The following PTPRD variants were observed in gnomAD, a reference collection of about 807,000 sequenced individuals.
The protein encoded by PTPRD is receptor-type tyrosine-protein phosphatase delta.
PTPRD carries 34 observed loss-of-function variants against 214.5 expected under a neutral mutation model. That is an observed-to-expected ratio of 0.16 (90% CI 0.12 to 0.21). PTPRD has a LOEUF of 0.21. PTPRD is among the 10% of genes least tolerant of loss of function. The pLI, the probability that PTPRD is intolerant of heterozygous loss-of-function variation, is 1.00. For missense variants in PTPRD, 2,545 were observed against 2,398.7 expected, an observed-to-expected ratio of 1.06 and a Z score of -1.27; for synonymous variants, 1,128 against 845.7, an observed-to-expected ratio of 1.33 and a Z score of -5.79.
intron 3 of PTPRD, among the ~76,000 whole-genome samples, chr9:10,292,211 G>C (rs1162153731): frequency 1.3e-5 from 2 of 151,954 alleles, no homozygotes; most frequent in Admixed American, 1.3e-4. Flanking sequence ...GAGACATGTT[G>C]AATCTATTTT....
At chr9:10,174,118 A>G (rs2099230327) in intron 3 of PTPRD, among the ~76,000 whole-genome samples, 1 of 152,096 alleles carries the variant, frequency 6.6e-6, no homozygotes. Flanking sequence ...AGGGTTAAAA[A>G]TTTCACTCCC....
rs1555449230 is a variant in PTPRD at position 9,998,129 on chromosome 9, A to ATATATATATATATATAT, written c.-472+35588_-472+35589insATATATATATATATATA. Among the ~76,000 whole-genome samples the ATATATATATATATATAT allele has an allele frequency of 1.3e-3, 122 of 91,426 alleles. 3 individuals carry two copies. The highest frequency in any genetic ancestry group is 6.6e-3 in the African/African-American group (112 of 16,966). The allele number at this position is 91,426 out of a possible 152,430, so 60.0% of individuals were successfully genotyped here. On this transcript the variant is annotated intron_variant, in intron 4 of 45. Transcript: ENST00000381196. ...TTAAAGTATAATAAAAAAAAAAAAA[A>ATATATATATATATATAT]ATATATATATATATATAAAAGAAGA...
chr9:9,898,369 G>T (rs1204615960), intron 5 of PTPRD, among the ~76,000 whole-genome samples: 2 of 152,026 alleles, frequency 1.3e-5, no homozygotes, highest in African/African-American at 2.4e-5. Context: ...ACATGGTAAT[G>T]ATGCCTTGAT....
At chr9:10,511,514 C>G (rs1355218002) in intron 2 of PTPRD, among the ~76,000 whole-genome samples, 2 of 151,770 alleles carry the variant, frequency 1.3e-5, no homozygotes, top group Admixed American at 1.3e-4. Flanking sequence ...TGCAATTACC[C>G]TGCCTCAGCC....
chr9:10,353,531 G>C (rs1203320652), intron 2 of PTPRD, among the ~76,000 whole-genome samples: 1 of 151,916 alleles, frequency 6.6e-6, no homozygotes, highest in African/African-American at 2.4e-5. Context: ...CTCTGCATGG[G>C]AGAAGAGAGG....
chr9:10,424,398 C>G (rs1356869480), intron 2 of PTPRD, among the ~76,000 whole-genome samples: 1 of 151,334 alleles, frequency 6.6e-6, no homozygotes, highest in African/African-American at 2.4e-5. Flanking sequence ...AACTATTATT[C>G]CCATAACAGC....
intron 3 of PTPRD, among the ~76,000 whole-genome samples, chr9:10,157,948 T>C (rs1481807628): frequency 6.6e-6 from 1 of 152,188 alleles, no homozygotes; most frequent in South Asian, 2.1e-4. Flanking sequence ...TACCGGTGAT[T>C]GCATTGTGAA....
chr9:9,812,732 C>G (rs1050911473), intron 5 of PTPRD, among the ~76,000 whole-genome samples: 2 of 152,006 alleles, frequency 1.3e-5, no homozygotes, highest in South Asian at 2.1e-4. Flanking sequence ...ATCATCCAGA[C>G]AGAAAATCAA....
chr9:9,410,087 GCAGCCTTAT>G (rs1412309342), intron 8 of PTPRD, among the ~76,000 whole-genome samples: 1 of 152,050 alleles, frequency 6.6e-6, no homozygotes, highest in African/African-American at 2.4e-5. Context: ...GGTTCACTAA[GCAGCCTTAT>G]ACAAATTCAA....
chr9:9,698,198 T>C (rs1010451060), intron 7 of PTPRD, among the ~76,000 whole-genome samples: 9 of 152,192 alleles, frequency 5.9e-5, no homozygotes, highest in African/African-American at 2.2e-4. Context: ...TACTGTTTTT[T>C]CTTGTGGAGG....
At chr9:8,613,872 A>G (rs1431694420) in intron 14 of PTPRD, among the ~76,000 whole-genome samples, 9 of 152,114 alleles carry the variant, frequency 5.9e-5, no homozygotes, top group Admixed American at 1.3e-4. Context: ...TCTTTTCTGC[A>G]AGAACTTTCC....
intron 3 of PTPRD, among the ~76,000 whole-genome samples, chr9:10,256,235 C>G (rs2093263592): frequency 6.6e-6 from 1 of 152,052 alleles, no homozygotes; most frequent in Admixed American, 6.5e-5. Context: ...GGCTGCTGGC[C>G]TAGACCTCTA....
intron 3 of PTPRD, among the ~76,000 whole-genome samples, chr9:10,054,168 C>G (rs944768897): frequency 6.6e-6 from 1 of 152,128 alleles, no homozygotes; most frequent in Admixed American, 6.6e-5. Context: ...AACAAAAAAT[C>G]CCCAATGGCC....
At chr9:8,526,778 A>G (rs547465873) in intron 16 of PTPRD, 134 bp from the exon 17 acceptor site, 4 of 619,924 alleles carry the variant, frequency 6.5e-6, no homozygotes, top group African/African-American at 3.7e-5. Flanking sequence ...AACTTGAATT[A>G]CTATATTGGT....
chr9:10,012,225 G>A (rs1418174034), intron 4 of PTPRD, among the ~76,000 whole-genome samples: 1 of 151,800 alleles, frequency 6.6e-6, no homozygotes, highest in Non-Finnish European at 1.5e-5. Flanking sequence ...ATATTAAAGG[G>A]ATAATCATCT....
intron 5 of PTPRD, among the ~76,000 whole-genome samples, chr9:9,857,685 G>A (rs138493537): frequency 1.6e-4 from 24 of 152,308 alleles, no homozygotes; most frequent in African/African-American, 5.5e-4. Context: ...TGGTAGTTAA[G>A]TCAGGCAGCA....
At chr9:9,892,958 A>G (rs1255315841) in intron 5 of PTPRD, among the ~76,000 whole-genome samples, 2 of 152,114 alleles carry the variant, frequency 1.3e-5, no homozygotes, top group African/African-American at 2.4e-5. Flanking sequence ...GAAAATTTGT[A>G]GGAGTAAAAT....
chr9:9,608,038 C>G (rs1443271307), intron 7 of PTPRD, among the ~76,000 whole-genome samples: 2 of 152,142 alleles, frequency 1.3e-5, no homozygotes, highest in Non-Finnish European at 1.5e-5. Flanking sequence ...GCTTACTAGG[C>G]AAAACATCTA....
intron 11 of PTPRD, among the ~76,000 whole-genome samples, chr9:8,987,531 T>C (rs1347726669): frequency 6.6e-6 from 1 of 152,158 alleles, no homozygotes; most frequent in African/African-American, 2.4e-5. Flanking sequence ...ATGTGTGTTT[T>C]ACCCAATCAC....
Sources: allele counts gnomAD v4.1 joint callset (sites outside exome capture counted in the v4.1 genomes callset), GRCh38; gene constraint gnomAD v4.1.1; transcripts MANE v1.5; gene names NCBI Gene and HGNC (gene_info 2026-07-23, HGNC 2026-07-21).